Variants in MYT1L observed in about 807,000 individuals in gnomAD.
The protein encoded by MYT1L is myelin transcription factor 1 like.
MYT1L carries 12 observed loss-of-function variants against 126.7 expected under a neutral mutation model. The ratio of observed to expected loss-of-function variants is 0.09; its 90% CI spans 0.06 to 0.15. The LOEUF (loss-of-function observed/expected upper bound fraction) is 0.15. MYT1L is among the 10% of genes least tolerant of loss of function. MYT1L has a pLI of 1.00. For synonymous variants in MYT1L, 541 were observed against 604.2 expected, an observed-to-expected ratio of 0.90 and a Z score of 1.53; for missense variants, 979 against 1,585.2, an observed-to-expected ratio of 0.62 and a Z score of 6.49.
intron 1 of MYT1L, among the ~76,000 whole-genome samples, chr2:2,307,549 A>C (rs2149573730): frequency 6.6e-6 from 1 of 152,196 alleles, no homozygotes; most frequent in East Asian, 1.9e-4. Flanking sequence ...ACTATACAAA[A>C]ACCTTCAGTA....
chr2:2,215,967 G>A (rs1188491670), intron 2 of MYT1L, among the ~76,000 whole-genome samples: 2 of 151,918 alleles, frequency 1.3e-5, no homozygotes, highest in African/African-American at 4.8e-5. Flanking sequence ...CTGAGATCTG[G>A]TCATTTAAAA....
chr2:2,181,059 CGTACCTGTGTGTGTGCTTGTGTAT>C (rs1055952982), intron 2 of MYT1L, among the ~76,000 whole-genome samples: 13 of 143,330 alleles, frequency 9.1e-5, no homozygotes, highest in Non-Finnish European at 1.5e-4. Context: ...CACCTGTAAC[CGTACCTGTGTGTGTGCTTGTGTAT>C]GTACCTGTGT....
At chr2:2,237,398 A>C (rs1356523964) in intron 2 of MYT1L, among the ~76,000 whole-genome samples, 1 of 152,166 alleles carries the variant, frequency 6.6e-6, no homozygotes. Context: ...GTTCCTTCAC[A>C]GGGAGCACTA....
At chr2:1,933,415 T>C (rs1323213892) in intron 9 of MYT1L, among the ~76,000 whole-genome samples, 2 of 151,622 alleles carry the variant, frequency 1.3e-5, no homozygotes, top group Non-Finnish European at 2.9e-5. Flanking sequence ...CGCAGAGGGG[T>C]GAGGATGCCT....
At chr2:2,153,887 C>A (rs577372415) in intron 3 of MYT1L, among the ~76,000 whole-genome samples, 1 of 152,108 alleles carries the variant, frequency 6.6e-6, no homozygotes, top group Non-Finnish European at 1.5e-5. Flanking sequence ...CGGAGGAACC[C>A]CCGGGTGCAG....
At position 1,891,506 on chromosome 2, in the gene MYT1L, T is replaced by C. The variant is rs62114755; in HGVS notation, c.2283+531A>G. Among the ~76,000 whole-genome samples the C allele has an allele frequency of 3.3e-5, 5 of 152,318 alleles. No homozygotes were observed. In the South Asian group the frequency reaches 8.3e-4, roughly 25 times the overall value. Reference sequence around the variant, plus strand: ...TCTTCCTATGCCTTTCATAGCACTATAGCATCCATGAAAATGTGGAACTGA... The same window carrying C: ...TCTTCCTATGCCTTTCATAGCACTACAGCATCCATGAAAATGTGGAACTGA... On this transcript the variant is annotated intron_variant, in intron 15 of 24. Coordinates refer to ENST00000647738, the MANE Select transcript of MYT1L (RefSeq NM_001303052.2).
intron 3 of MYT1L, among the ~76,000 whole-genome samples, chr2:2,072,480 G>GA (rs570222397): frequency 2.0e-5 from 3 of 152,136 alleles, no homozygotes; most frequent in East Asian, 1.9e-4. Flanking sequence ...AATTCTGCCA[G>GA]AAAAAATGCA....
intron 3 of MYT1L, among the ~76,000 whole-genome samples, chr2:2,155,759 T>C (rs900161528): frequency 6.6e-6 from 1 of 152,192 alleles, no homozygotes; most frequent in Non-Finnish European, 1.5e-5. Context: ...TGGAGCTGTA[T>C]GGAGCCACTA....
At chr2:2,031,274 G>C (rs939805923) in intron 4 of MYT1L, among the ~76,000 whole-genome samples, 1 of 152,222 alleles carries the variant, frequency 6.6e-6, no homozygotes, top group South Asian at 2.1e-4. Flanking sequence ...GCTGGGAGAG[G>C]TGCTCAGGAT....
intron 3 of MYT1L, among the ~76,000 whole-genome samples, chr2:2,153,761 A>G (rs1471219142): frequency 6.6e-6 from 1 of 152,152 alleles, no homozygotes; most frequent in Non-Finnish European, 1.5e-5. Flanking sequence ...GAGGAAAGGA[A>G]GACTCTCTGA....
chr2:1,790,610 T>C lies in MYT1L; in HGVS notation c.*1257A>G, dbSNP rs1473960843. 1 of 152,326 alleles carries C rather than the reference T, an allele frequency of 6.6e-6. No homozygotes were observed. The highest frequency in any genetic ancestry group is 2.4e-5 in the African/African-American group (1 of 41,444). The allele number at this position is 152,326 out of a possible 1,614,324, so 9.4% of individuals were successfully genotyped here. On this transcript the variant is annotated 3_prime_UTR_variant, in exon 25 of 25. Coordinates refer to ENST00000647738, the MANE Select transcript of MYT1L (RefSeq NM_001303052.2). ...CTGCAAATGCTCTATGGTCAACTGG[T>C]CTCCACCCAAGTGTAGAACAGAAAC... is the stretch of plus-strand genomic sequence containing the variant.
chr2:1,842,616 C>G (rs2041893602), intron 19 of MYT1L: 1 of 152,494 alleles, frequency 6.6e-6, no homozygotes, highest in Non-Finnish European at 1.5e-5. Flanking sequence ...GCCTCCTCCG[C>G]CCCCGCCCCA....
intron 2 of MYT1L, among the ~76,000 whole-genome samples, chr2:2,249,131 C>A (rs1171792296): frequency 6.6e-6 from 1 of 151,778 alleles, no homozygotes; most frequent in Non-Finnish European, 1.5e-5. Flanking sequence ...AAAGATTACA[C>A]CAAAAAATGA....
At chr2:2,144,011 C>T (rs1243842080) in intron 3 of MYT1L, among the ~76,000 whole-genome samples, 2 of 152,056 alleles carry the variant, frequency 1.3e-5, no homozygotes, top group Admixed American at 6.6e-5. Flanking sequence ...GGGTCCTATG[C>T]TCAGTACCTG....
At position 1,851,667 on chromosome 2, in the gene MYT1L, G is replaced by A. The variant is rs750386623; in HGVS notation, c.2748C>T (p.Ile916=). ...TCCGATGAGAAGCATAATTGCCGGT[G>A]ATATGTCCAGAACCATCACAGCCAG... The part of the protein sequence containing the change: ...PTPGCDGSGH[I]TGNYASHRSL... Residue 916 remains isoleucine (I), a synonymous_variant, in exon 19 of 25, where the codon ATC becomes ATT. Coordinates refer to ENST00000647738, the MANE Select transcript of MYT1L (RefSeq NM_001303052.2). 3 of 1,613,776 alleles carry A rather than the reference G, an allele frequency of 1.9e-6. No homozygotes were observed. The highest frequency in any genetic ancestry group is 2.5e-6 in the Non-Finnish European group (3 of 1,179,830).
intron 3 of MYT1L, among the ~76,000 whole-genome samples, chr2:2,122,872 T>TGTGTGTGTGTGTGAGAGA (rs553951630): frequency 5.7e-4 from 76 of 133,062 alleles, no homozygotes; most frequent in African/African-American, 1.0e-3. Context: ...TGTGTGTGTG[T>TGTGTGTGTGTGTGAGAGA]GAGAGAGAGA....
chr2:2,289,908 G>T (rs1014722840), intron 1 of MYT1L, among the ~76,000 whole-genome samples: 1 of 152,204 alleles, frequency 6.6e-6, no homozygotes, highest in Non-Finnish European at 1.5e-5. Flanking sequence ...TGGCAGCAAG[G>T]GCAGGTTCCC....
In MYT1L at chr2:1,912,723, T is replaced by C. The variant is rs965748615; in HGVS notation, c.1619-613A>G. Among the ~76,000 whole-genome samples, 11 of 135,294 alleles carry C rather than the reference T, an allele frequency of 8.1e-5. No individual in the cohort carries two copies. The highest frequency in any genetic ancestry group is 3.0e-4 in the African/African-American group (11 of 37,090). 88.8% of individuals were successfully genotyped at this position (135,294 alleles called of 152,430 possible). A position where few individuals can be genotyped will look rare whatever the true frequency, so the allele number is the denominator to read the frequency against. ...ATAGGATGAGCTAGAAGAGTAAGCG[T>C]CTGCGTTTTTACCCTGTGAAATTAA... On this transcript the variant is annotated intron_variant, in intron 11 of 24. Coordinates refer to ENST00000647738, the MANE Select transcript of MYT1L (RefSeq NM_001303052.2). This position sits in a 1 kb window ranked among gnomAD's most constrained non-coding sequence, Gnocchi z 4.3.
rs1365947566 is a variant in MYT1L at position 1,806,682 on chromosome 2, C to T, written c.3172+2394G>A. Among the ~76,000 whole-genome samples, 7 of 152,164 alleles carry T rather than the reference C, an allele frequency of 4.6e-5. No individual in the cohort carries two copies. Among genetic ancestry groups the T allele is most frequent in the Non-Finnish European group, 7.3e-5 (5 of 68,032 alleles). ...GAGATGGCCACCTCAGGGATCTGCC[C>T]ACCGCCGCCCAGGTGGACCAGCCCA... is the stretch of plus-strand genomic sequence containing the variant. On this transcript the variant is annotated intron_variant, in intron 22 of 24. Transcript: ENST00000647738. This position sits in a 1 kb window ranked among gnomAD's most constrained non-coding sequence, Gnocchi z 4.9.
Sources: gnomAD v4.1 joint callset for allele counts (sites outside exome capture counted in the v4.1 genomes callset) on GRCh38, gnomAD v4.1.1 for gene constraint, Gnocchi (gnomAD v3.1) non-coding constraint, MANE v1.5 for transcripts, NCBI Gene and HGNC (gene_info 2026-07-23, HGNC 2026-07-21) for gene names.